Variants in VPS13B observed in about 807,000 individuals in gnomAD.
The protein encoded by VPS13B is vacuolar protein sorting 13 homolog B.
Under a neutral mutation model 426.4 loss-of-function variants are expected in VPS13B, and 285 were observed. That is an observed-to-expected ratio of 0.67 (90% CI 0.61 to 0.74). The LOEUF is 0.74. VPS13B is among the 30% of genes least tolerant of loss of function. VPS13B has a pLI of 0.00. For missense variants in VPS13B, 4,537 were observed against 4,782.6 expected (o/e 0.95, Z 1.51); for synonymous variants, 1,676 against 1,676.4 (o/e 1.00, Z 0.01).
chr8:99,345,324 T>C (rs1367119597), intron 19 of VPS13B, among the ~76,000 whole-genome samples: 1 of 152,198 alleles, frequency 6.6e-6, no homozygotes, highest in Non-Finnish European at 1.5e-5. Context: ...ACCTTCTTTT[T>C]CAAAATCAGG....
intron 7 of VPS13B, among the ~76,000 whole-genome samples, chr8:99,117,465 C>T (rs773737236): frequency 1.3e-5 from 2 of 152,080 alleles, no homozygotes; most frequent in African/African-American, 4.8e-5. Context: ...GAACTGATAA[C>T]ATATGTCCAT....
chr8:99,871,437 CT>C lies in VPS13B; in HGVS notation c.11496-7del, dbSNP rs1451672589. ...GCTGGCCCCTGGCCTCACTTTTCTC[CT>C]TTTAAACAGGAAAATGCTTCAGTCT... is the stretch of plus-strand genomic sequence containing the variant. On this transcript the variant is annotated splice_polypyrimidine_tract_variant and intron_variant, in intron 60 of 61. Transcript: ENST00000357162. 1.2e-6 allele frequency: 2 copies of C among 1,614,108 alleles called. No homozygotes were observed. Among genetic ancestry groups the C allele is most frequent in the Non-Finnish European group, 1.7e-6 (2 of 1,180,042 alleles).
chr8:99,427,609 A>G (rs1030646022), intron 21 of VPS13B, among the ~76,000 whole-genome samples: 1 of 152,116 alleles, frequency 6.6e-6, no homozygotes, highest in African/African-American at 2.4e-5. Flanking sequence ...AAGGAGAACT[A>G]CAAACCACTG....
intron 21 of VPS13B, among the ~76,000 whole-genome samples, chr8:99,422,561 T>A (rs1239641820): frequency 6.6e-6 from 1 of 152,192 alleles, no homozygotes; most frequent in Admixed American, 6.5e-5. Flanking sequence ...TTTTAAAATT[T>A]GGTCTGTATT....
chr8:99,717,422 T>C, intron 37 of VPS13B, 49 bp downstream of exon 37: 1 of 1,516,216 alleles, frequency 6.6e-7, no homozygotes, highest in Admixed American at 1.7e-5. Context: ...AACTAGCCTC[T>C]GTTCATTTTT....
intron 25 of VPS13B, among the ~76,000 whole-genome samples, chr8:99,485,151 A>G (rs112364980): frequency 1.3e-3 from 205 of 152,330 alleles, no homozygotes; most frequent in African/African-American, 4.6e-3. Flanking sequence ...TACTAGGGTT[A>G]ACTAATTATG....
chr8:99,873,310 C>A (rs989868192), intron 61 of VPS13B: 2 of 152,106 alleles, frequency 1.3e-5, no homozygotes, highest in Non-Finnish European at 2.9e-5. Flanking sequence ...GGAAACAGAC[C>A]TCAGTTTCCC....
chr8:99,171,120 C>T (rs1398137209), intron 16 of VPS13B, among the ~76,000 whole-genome samples: 1 of 151,740 alleles, frequency 6.6e-6, no homozygotes, highest in East Asian at 1.9e-4. Flanking sequence ...AGTCTTAGTA[C>T]CAATTCCTCT....
At chr8:99,057,642 G>A (rs1169616765) in intron 3 of VPS13B, among the ~76,000 whole-genome samples, 1 of 152,056 alleles carries the variant, frequency 6.6e-6, no homozygotes, top group Non-Finnish European at 1.5e-5. Context: ...CTGAACTCCA[G>A]CATAAGAGCT....
In VPS13B at chr8:99,115,807, C is replaced by T; in HGVS notation, c.870C>T (p.Gly290=). Residue 290 remains glycine, a synonymous_variant, in exon 7 of 62, where the codon GGC becomes GGT. Coordinates refer to ENST00000357162, the MANE Select transcript of VPS13B (RefSeq NM_152564.5). ...TTGCTCTTTACTATGGAGAAATAGG[C>T]AATTTTAAAGAAGGCGAAATAGAGG... ...LGIALYYGEI[G]NFKEGEIEDL... is the part of the protein sequence containing the mutation. 1 of 1,613,492 alleles carries T rather than the reference C, an allele frequency of 6.2e-7. No homozygotes were observed. Among genetic ancestry groups the T allele is most frequent in the Non-Finnish European group, 8.5e-7 (1 of 1,179,762 alleles).
At chr8:99,240,209 A>G (rs555989252) in intron 17 of VPS13B, among the ~76,000 whole-genome samples, 6 of 152,332 alleles carry the variant, frequency 3.9e-5, no homozygotes, top group East Asian at 3.9e-4. Flanking sequence ...TAAAGCAGCC[A>G]TAATTATCAA....
Position 99,835,699 on chromosome 8 carries a change from G to C in VPS13B, c.9903G>C (p.Glu3301Asp). The change falls in exon 54 of 62, where the codon GAG becomes GAC. Residue 3301 changes from glutamate to aspartate, a missense_variant. Coordinates refer to ENST00000357162, the MANE Select transcript of VPS13B (RefSeq NM_152564.5). ...RVEPLDEVTT[E>D]WSDAIDINSQ... ...AACCTCTAGATGAAGTAACAACTGA[G>C]TGGAGTGATGCCATTGACATCAACA... The C allele has an allele frequency of 6.2e-7, 1 of 1,614,176 alleles. No individual in the cohort carries two copies. Among genetic ancestry groups the C allele is most frequent in the East Asian group, 2.2e-5 (1 of 44,872 alleles).
chr8:99,213,742 C>T (rs1212818616), intron 17 of VPS13B, among the ~76,000 whole-genome samples: 1 of 151,636 alleles, frequency 6.6e-6, no homozygotes. Flanking sequence ...TGACTGTGGG[C>T]TTAGCTTTAT....
intron 39 of VPS13B, among the ~76,000 whole-genome samples, chr8:99,726,272 T>G (rs911012794): frequency 6.6e-5 from 10 of 152,210 alleles, no homozygotes; most frequent in African/African-American, 2.4e-4. Context: ...CTTTTAAATG[T>G]TAGTAGTATA....
At chr8:99,852,160 T>C (rs767651908) in intron 55 of VPS13B, among the ~76,000 whole-genome samples, 3 of 152,294 alleles carry the variant, frequency 2.0e-5, no homozygotes, top group Non-Finnish European at 2.9e-5. Flanking sequence ...ATGGCTGCCA[T>C]TAACTAAGAT....
rs771426507 is a variant in VPS13B at position 99,501,670 on chromosome 8, T to G, written c.3871-17T>G. 1 of 1,612,860 alleles carries G rather than the reference T, an allele frequency of 6.2e-7. No homozygotes were observed. Among genetic ancestry groups the G allele is most frequent in the Non-Finnish European group, 8.5e-7 (1 of 1,179,516 alleles). ...GTTTATGTTACAAAGTAAGATTTTT[T>G]TTTCTCCTCATCCCAGGGAGATTCT... is the stretch of plus-strand genomic sequence containing the variant. On this transcript the variant is annotated splice_polypyrimidine_tract_variant and intron_variant, in intron 25 of 61. Coordinates refer to ENST00000357162, the MANE Select transcript of VPS13B (RefSeq NM_152564.5).
At chr8:99,388,098 T>G (rs1814227651) in intron 20 of VPS13B, among the ~76,000 whole-genome samples, 1 of 152,156 alleles carries the variant, frequency 6.6e-6, no homozygotes, top group Non-Finnish European at 1.5e-5. Context: ...TCAAAAATTG[T>G]AGTTGATGCA....
chr8:99,535,407 G>A (rs1178595647), intron 30 of VPS13B, among the ~76,000 whole-genome samples: 1 of 152,144 alleles, frequency 6.6e-6, no homozygotes, highest in African/African-American at 2.4e-5. Flanking sequence ...CCTGTTTGAA[G>A]AACTTCCATC....
In VPS13B at chr8:99,876,859, A is replaced by ATTTG. The variant is rs1807437510; in HGVS notation, c.*1197_*1200dup. Reference sequence around the variant, plus strand: ...GCAATTTTAAATGCCCACTGGTTTTATTTGTTTTGGAGAGAGGGTCTCATT... The same window carrying ATTTG: ...GCAATTTTAAATGCCCACTGGTTTTATTTGTTTGTTTTGGAGAGAGGGTCTCATT... On this transcript the variant is annotated 3_prime_UTR_variant, in exon 62 of 62. Transcript: ENST00000357162. 6.6e-6 allele frequency: 1 copy of ATTTG among 151,750 alleles called. No homozygotes were observed. 9.4% of individuals were successfully genotyped at this position (151,750 alleles called of 1,614,324 possible).
Sources: gnomAD v4.1 joint callset for allele counts (sites outside exome capture counted in the v4.1 genomes callset) on GRCh38, gnomAD v4.1.1 for gene constraint, MANE v1.5 for transcripts, NCBI Gene and HGNC (gene_info 2026-07-23, HGNC 2026-07-21) for gene names.